Variants in FAF1 observed in about 807,000 individuals in gnomAD.
FAF1 encodes Fas associated factor 1.
FAF1 carries 25 observed loss-of-function variants against 92.5 expected under a neutral mutation model. That is an observed-to-expected ratio of 0.27 (90% CI 0.20 to 0.38). The LOEUF (loss-of-function observed/expected upper bound fraction) is 0.38, where lower values mean the gene tolerates loss of function less well. Ranked by LOEUF, FAF1 falls within the 10% of genes least tolerant of loss-of-function variation. FAF1 has a pLI of 1.00. For synonymous variants in FAF1, 234 were observed against 273.2 expected (o/e 0.86, Z 1.42); for missense variants, 636 against 793.3 (o/e 0.80, Z 2.38).
chr1:50,684,984 C>G (rs940946883), intron 7 of FAF1, among the ~76,000 whole-genome samples: 1 of 152,108 alleles, frequency 6.6e-6, no homozygotes, highest in Non-Finnish European at 1.5e-5. Context: ...TGTGGTATTT[C>G]AAGGCTAACT....
chr1:50,514,546 C>G (rs1647184065), intron 15 of FAF1, among the ~76,000 whole-genome samples: 1 of 152,102 alleles, frequency 6.6e-6, no homozygotes, highest in Admixed American at 6.5e-5. Flanking sequence ...CAGTTTTAAA[C>G]AGAGAAATTT....
chr1:50,900,778 A>G (rs1644790037), intron 1 of FAF1, among the ~76,000 whole-genome samples: 1 of 152,200 alleles, frequency 6.6e-6, no homozygotes, highest in Non-Finnish European at 1.5e-5. Flanking sequence ...AATATATAGT[A>G]TAGCCTCAAA....
rs760660397 is a variant in FAF1 at position 50,441,272 on chromosome 1, T to A, written c.*168A>T. ...GGAATATATACTCATGGATGGGAAA[T>A]CTTAAGTAGCTATATTTATTATTAC... On this transcript the variant is annotated 3_prime_UTR_variant, in exon 19 of 19. Coordinates refer to ENST00000396153, the MANE Select transcript of FAF1 (RefSeq NM_007051.3). 25 of 521,650 alleles carry A rather than the reference T, an allele frequency of 4.8e-5. No individual in the cohort carries two copies. Among genetic ancestry groups the A allele is most frequent in the Non-Finnish European group, 8.6e-5 (25 of 290,566 alleles). 32.3% of individuals were successfully genotyped at this position (521,650 alleles called of 1,614,324 possible).
intron 13 of FAF1, among the ~76,000 whole-genome samples, chr1:50,554,390 T>TATATATATATAGAGAGAGAGAGAGAG: frequency 8.3e-4 from 78 of 93,670 alleles, no homozygotes; most frequent in African/African-American, 3.1e-3. Context: ...TATATATATA[T>TATATATATATAGAGAGAGAGAGAGAG]AGAGAGAGAG....
chr1:50,910,901 G>A (rs1331864932), intron 1 of FAF1, among the ~76,000 whole-genome samples: 1 of 151,980 alleles, frequency 6.6e-6, no homozygotes, highest in Non-Finnish European at 1.5e-5. Context: ...ACAAGCCCCA[G>A]TGAGATGAAC....
intron 5 of FAF1, 36 bp downstream of exon 5, chr1:50,744,648 A>T: frequency 7.3e-7 from 1 of 1,363,766 alleles, no homozygotes; most frequent in Non-Finnish European, 1.0e-6. Flanking sequence ...GGCATAACTT[A>T]ATTTTCTTTT....
At chr1:50,700,494 A>T (rs1176559749) in intron 7 of FAF1, among the ~76,000 whole-genome samples, 1 of 152,186 alleles carries the variant, frequency 6.6e-6, no homozygotes, top group Non-Finnish European at 1.5e-5. Flanking sequence ...CTCTTCAATT[A>T]GCACTATTAC....
intron 8 of FAF1, among the ~76,000 whole-genome samples, chr1:50,602,746 C>T (rs1572862482): frequency 1.3e-5 from 2 of 152,076 alleles, no homozygotes; most frequent in East Asian, 3.9e-4. Flanking sequence ...AAGTGATCTG[C>T]CCGCCTCGGC....
intron 8 of FAF1, among the ~76,000 whole-genome samples, chr1:50,606,170 G>A (rs1280294329): frequency 6.6e-6 from 1 of 152,104 alleles, no homozygotes; most frequent in Non-Finnish European, 1.5e-5. Flanking sequence ...CAGTTGCAAT[G>A]CCCAATTATT....
chr1:50,725,182 A>G (rs1480449257), intron 6 of FAF1, among the ~76,000 whole-genome samples: 1 of 152,156 alleles, frequency 6.6e-6, no homozygotes, highest in Non-Finnish European at 1.5e-5. Context: ...AGAACCTTAG[A>G]AGAAAGGAAG....
intron 18 of FAF1, among the ~76,000 whole-genome samples, chr1:50,464,517 G>T (rs1646471296): frequency 6.6e-6 from 1 of 152,176 alleles, no homozygotes; most frequent in Non-Finnish European, 1.5e-5. Context: ...ATAAACAGTG[G>T]ACTTTCTTCC....
rs1646140511 is a variant in FAF1 at position 50,437,950 on chromosome 1, G to C, written c.*3490C>G. The C allele has an allele frequency of 6.8e-6, 1 of 147,068 alleles. No homozygotes were observed. Among genetic ancestry groups the C allele is most frequent in the Non-Finnish European group, 1.5e-5 (1 of 67,408 alleles). 9.1% of individuals were successfully genotyped at this position (147,068 alleles called of 1,614,324 possible). The stretch of plus-strand genomic sequence containing the variant: ...AGGCAGGAGAACTGCTTGAGCCCAG[G>C]AGATGGAGGTTGCAGTGAGCCGAGA... On this transcript the variant is annotated 3_prime_UTR_variant, in exon 19 of 19. Coordinates refer to ENST00000396153, the MANE Select transcript of FAF1 (RefSeq NM_007051.3).
chr1:50,786,082 C>T (rs1014818693), intron 4 of FAF1, among the ~76,000 whole-genome samples: 4 of 151,168 alleles, frequency 2.6e-5, no homozygotes, highest in Admixed American at 1.3e-4. Flanking sequence ...CAGTGAGCCG[C>T]GATCACGCCA....
intron 1 of FAF1, among the ~76,000 whole-genome samples, chr1:50,870,693 G>T (rs535074078): frequency 6.6e-6 from 1 of 152,142 alleles, no homozygotes; most frequent in Admixed American, 6.5e-5. Flanking sequence ...ACAAGACAAT[G>T]AACTTCATCA....
Position 50,705,932 on chromosome 1 carries a change from C to A in FAF1, c.552-41G>T, listed in dbSNP as rs773605652. ...GAAAAACAAGGAACTCAGAGATGAA[C>A]AAGTTCTAGCTTGCTTTACAGCTAG... is the stretch of plus-strand genomic sequence containing the variant. On this transcript the variant is annotated intron_variant, in intron 6 of 18. Transcript: ENST00000396153. 21 of 1,249,842 alleles carry A rather than the reference C, an allele frequency of 1.7e-5. No individual in the cohort carries two copies. In the East Asian group the frequency reaches 4.9e-4, roughly 29 times the overall value. The allele number at this position is 1,249,842 out of a possible 1,614,324, so 77.4% of individuals were successfully genotyped here. A position where few individuals can be genotyped will look rare whatever the true frequency, so the allele number is the denominator to read the frequency against.
intron 2 of FAF1, among the ~76,000 whole-genome samples, chr1:50,807,838 T>TTA (rs1662266661): frequency 1.3e-5 from 2 of 152,180 alleles, no homozygotes; most frequent in South Asian, 4.1e-4. Flanking sequence ...AAAACATGTT[T>TTA]TAGAGTGTCA....
At chr1:50,717,943 TAC>T (rs1658244669) in intron 6 of FAF1, among the ~76,000 whole-genome samples, 1 of 152,134 alleles carries the variant, frequency 6.6e-6, no homozygotes, top group African/African-American at 2.4e-5. Context: ...TGACCATTTT[TAC>T]AGTTACATGG....
chr1:50,707,067 G>A (rs1178546364), intron 6 of FAF1, among the ~76,000 whole-genome samples: 1 of 152,080 alleles, frequency 6.6e-6, no homozygotes, highest in Non-Finnish European at 1.5e-5. Flanking sequence ...GCCAGGTGTG[G>A]TGGCGGGCAC....
At chr1:50,891,389 C>G (rs1159392487) in intron 1 of FAF1, among the ~76,000 whole-genome samples, 1 of 152,154 alleles carries the variant, frequency 6.6e-6, no homozygotes, top group Non-Finnish European at 1.5e-5. Context: ...CAGCTTTGTT[C>G]CGTTGCTGGT....
Sources: allele counts gnomAD v4.1 joint callset (sites outside exome capture counted in the v4.1 genomes callset), GRCh38; gene constraint gnomAD v4.1.1; transcripts MANE v1.5; gene names NCBI Gene and HGNC (gene_info 2026-07-23, HGNC 2026-07-21).